Variants in TSPAN5 observed in about 807,000 individuals in gnomAD.
TSPAN5 encodes tetraspanin-5.
TSPAN5 carries 10 observed loss-of-function variants against 37.1 expected under a neutral mutation model. The ratio of observed to expected loss-of-function variants is 0.27; its 90% CI spans 0.17 to 0.46. The LOEUF is 0.46. Among genes scored for constraint, TSPAN5 ranks in the 20% least tolerant of loss-of-function variants. TSPAN5 has a pLI of 1.00. For synonymous variants in TSPAN5, 110 were observed against 118.9 expected (o/e 0.93, Z 0.48); for missense variants, 195 against 326.6 (o/e 0.60, Z 3.11).
At chr4:98,584,905 C>G (rs1395139300) in intron 1 of TSPAN5, among the ~76,000 whole-genome samples, 1 of 152,166 alleles carries the variant, frequency 6.6e-6, no homozygotes, top group Non-Finnish European at 1.5e-5. Context: ...ACAACAAATA[C>G]CACTAAGAAG....
intron 1 of TSPAN5, among the ~76,000 whole-genome samples, chr4:98,568,189 G>C (rs1249937681): frequency 6.6e-6 from 1 of 152,154 alleles, no homozygotes; most frequent in African/African-American, 2.4e-5. Context: ...CAGACAGACA[G>C]AATGACTTAT....
At chr4:98,531,387 A>T (rs1451277052) in intron 1 of TSPAN5, among the ~76,000 whole-genome samples, 3 of 152,210 alleles carry the variant, frequency 2.0e-5, no homozygotes, top group African/African-American at 7.2e-5. Flanking sequence ...TGTCCCTGCA[A>T]AGGACATGAA....
chr4:98,524,880 T>A (rs1753927935), intron 1 of TSPAN5, among the ~76,000 whole-genome samples: 1 of 152,200 alleles, frequency 6.6e-6, no homozygotes, highest in African/African-American at 2.4e-5. Context: ...AAAAATCTTT[T>A]TACTGTGTGT....
intron 1 of TSPAN5, among the ~76,000 whole-genome samples, chr4:98,525,311 G>A (rs1248162927): frequency 6.6e-6 from 1 of 152,202 alleles, no homozygotes; most frequent in Non-Finnish European, 1.5e-5. Context: ...ATTGTGCAGA[G>A]TTTGCACATT....
At chr4:98,556,203 T>C (rs527243632) in intron 1 of TSPAN5, among the ~76,000 whole-genome samples, 1 of 152,144 alleles carries the variant, frequency 6.6e-6, no homozygotes, top group Non-Finnish European at 1.5e-5. Context: ...AAAAGTCAAT[T>C]CCATCCTTCC....
chr4:98,585,567 C>T (rs2110200812), intron 1 of TSPAN5, among the ~76,000 whole-genome samples: 1 of 152,298 alleles, frequency 6.6e-6, no homozygotes, highest in Admixed American at 6.5e-5. Context: ...GCCTCAGCCT[C>T]CCAAAGTGCT....
intron 1 of TSPAN5, among the ~76,000 whole-genome samples, chr4:98,557,628 C>A (rs1754780844): frequency 6.6e-6 from 1 of 152,204 alleles, no homozygotes; most frequent in East Asian, 1.9e-4. Flanking sequence ...ATTCCCCATT[C>A]CTTATGCAAG....
At position 98,654,065 on chromosome 4, in the gene TSPAN5, A is replaced by T. The variant is rs527281744; in HGVS notation, c.81+4081T>A. ...CGTGTAGGTAGGTGCTCCAGTGACA[A>T]CTCTGGCTAAGCTCCCAGCAAGCAT... On this transcript the variant is annotated intron_variant, in intron 1 of 7. Coordinates refer to ENST00000305798, the MANE Select transcript of TSPAN5 (RefSeq NM_005723.4). Among the ~76,000 whole-genome samples, 7 of 152,206 alleles carry T rather than the reference A, an allele frequency of 4.6e-5. No individual in the cohort carries two copies. In the South Asian group the frequency reaches 1.5e-3, roughly 32 times the overall value.
chr4:98,636,427 C>T (rs752828950), intron 1 of TSPAN5, among the ~76,000 whole-genome samples: 1 of 152,158 alleles, frequency 6.6e-6, no homozygotes, highest in Non-Finnish European at 1.5e-5. Flanking sequence ...TAGCTTTAAT[C>T]TTTTCCAAAT....
chr4:98,530,475 G>A (rs1223403153), intron 1 of TSPAN5, among the ~76,000 whole-genome samples: 1 of 152,122 alleles, frequency 6.6e-6, no homozygotes, highest in Non-Finnish European at 1.5e-5. Context: ...TGAAGCCACA[G>A]TGGAAAAGCC....
chr4:98,473,174 A>G (rs1441527527), intron 7 of TSPAN5, among the ~76,000 whole-genome samples: 2 of 152,198 alleles, frequency 1.3e-5, no homozygotes, highest in South Asian at 2.1e-4. Context: ...CACTTTCTCA[A>G]TTCTTTTGGG....
At chr4:98,591,084 T>C (rs1330455229) in intron 1 of TSPAN5, among the ~76,000 whole-genome samples, 3 of 151,820 alleles carry the variant, frequency 2.0e-5, no homozygotes, top group African/African-American at 4.8e-5. Context: ...TTTGTTTTTT[T>C]TTTTTAATAA....
chr4:98,493,823 AACATAAAGTGCTGCTAT>A (rs1260591956), intron 2 of TSPAN5, among the ~76,000 whole-genome samples: 2 of 152,232 alleles, frequency 1.3e-5, no homozygotes, highest in African/African-American at 2.4e-5. Flanking sequence ...AATTGACCAT[AACATAAAGTGCTGCTAT>A]AAAGACAAAA....
Position 98,513,336 on chromosome 4 carries a change from G to T in TSPAN5, c.82-5608C>A, listed in dbSNP as rs116665769. On this transcript the variant is annotated intron_variant, in intron 1 of 7. Coordinates refer to ENST00000305798, the MANE Select transcript of TSPAN5 (RefSeq NM_005723.4). ...AAGGCCAGCTATGTGTGGTGAGCAG[G>T]GGTGGGGTAGGCAGGCAGGTCTTTG... 3.1e-3 allele frequency among the ~76,000 whole-genome samples: 473 copies of T among 152,230 alleles called. 6 individuals carry two copies. The highest frequency in any genetic ancestry group is 0.011 in the African/African-American group (449 of 41,522).
chr4:98,608,792 C>T (rs1003967929), intron 1 of TSPAN5, among the ~76,000 whole-genome samples: 6 of 152,344 alleles, frequency 3.9e-5, no homozygotes, highest in African/African-American at 1.4e-4. Context: ...CTCGACAGTT[C>T]TCTCTGACTT....
chr4:98,592,434 T>TTG (rs1755666302), intron 1 of TSPAN5, among the ~76,000 whole-genome samples: 2 of 147,476 alleles, frequency 1.4e-5, no homozygotes, highest in African/African-American at 5.2e-5. Flanking sequence ...TTTTGTTTTT[T>TTG]TTTTTTTTTT....
At chr4:98,622,871 G>A (rs1756514282) in intron 1 of TSPAN5, among the ~76,000 whole-genome samples, 1 of 152,134 alleles carries the variant, frequency 6.6e-6, no homozygotes, top group Non-Finnish European at 1.5e-5. Context: ...AAACGTGTCT[G>A]CAGGAAGGAG....
intron 4 of TSPAN5, among the ~76,000 whole-genome samples, chr4:98,479,429 C>A (rs183552343): frequency 1.3e-5 from 2 of 152,122 alleles, no homozygotes; most frequent in African/African-American, 4.8e-5. Flanking sequence ...GCCAACAGTG[C>A]GTGATGTGCT....
At chr4:98,524,339 T>C (rs1355917346) in intron 1 of TSPAN5, among the ~76,000 whole-genome samples, 2 of 152,212 alleles carry the variant, frequency 1.3e-5, no homozygotes, top group African/African-American at 2.4e-5. Context: ...TTCACATTAA[T>C]TTACAGTGGT....
Sources: allele counts gnomAD v4.1 joint callset (sites outside exome capture counted in the v4.1 genomes callset), GRCh38; gene constraint gnomAD v4.1.1; transcripts MANE v1.5; gene names NCBI Gene and HGNC (gene_info 2026-07-23, HGNC 2026-07-21).